Variants in ZFHX3 observed in about 807,000 individuals in gnomAD.
ZFHX3 encodes the protein zinc finger homeobox protein 3.
ZFHX3 carries 42 observed loss-of-function variants against 279.1 expected under a neutral mutation model. That is an observed-to-expected ratio of 0.15 (90% CI 0.12 to 0.19). ZFHX3 has a LOEUF of 0.19. Ranked by LOEUF, ZFHX3 falls within the 10% of genes least tolerant of loss-of-function variation. The pLI is 1.00. For synonymous variants in ZFHX3, 2,293 were observed against 1,957.8 expected, an observed-to-expected ratio of 1.17 and a Z score of -4.52; for missense variants, 4,981 against 4,754.0, an observed-to-expected ratio of 1.05 and a Z score of -1.40.
At chr16:72,911,616 C>G (rs1042294091) in intron 3 of ZFHX3, among the ~76,000 whole-genome samples, 4 of 152,090 alleles carry the variant, frequency 2.6e-5, no homozygotes, top group African/African-American at 9.7e-5. Context: ...TTCACAGAGG[C>G]TGGCCAATAT....
At chr16:72,909,028 G>C (rs1009205858) in intron 3 of ZFHX3, among the ~76,000 whole-genome samples, 2 of 152,190 alleles carry the variant, frequency 1.3e-5, no homozygotes, top group Non-Finnish European at 2.9e-5. Flanking sequence ...AGCGGATGCA[G>C]GTTTAGTTAC....
intron 3 of ZFHX3, among the ~76,000 whole-genome samples, chr16:73,416,840 C>G (rs545549552): frequency 3.5e-4 from 53 of 151,550 alleles, no homozygotes; most frequent in Admixed American, 1.7e-3. Flanking sequence ...CGCCACTGCA[C>G]TCCAGCCTGG....
At chr16:73,449,380 A>C (rs757943411) in intron 3 of ZFHX3, among the ~76,000 whole-genome samples, 8 of 152,216 alleles carry the variant, frequency 5.3e-5, no homozygotes, top group Non-Finnish European at 1.2e-4. Context: ...CTTAAAAACA[A>C]GCTGGGCATA....
chr16:73,839,647 T>C (rs1961247692), intron 1 of ZFHX3, among the ~76,000 whole-genome samples: 2 of 152,184 alleles, frequency 1.3e-5, no homozygotes, highest in African/African-American at 4.8e-5. Context: ...TCATGATAAA[T>C]TTACAGAATT....
At chr16:72,961,202 C>T (rs557683301) in intron 1 of ZFHX3, among the ~76,000 whole-genome samples, 6 of 152,218 alleles carry the variant, frequency 3.9e-5, no homozygotes, top group Admixed American at 2.0e-4. Context: ...AGCAGCAAGC[C>T]GAGACGGCAG....
At position 73,665,370 on chromosome 16, in the gene ZFHX3, T is replaced by C. The variant is rs531532541; in HGVS notation, c.-1547+14810A>G. Among the ~76,000 whole-genome samples the C allele has an allele frequency of 5.5e-3, 835 of 151,728 alleles. 10 individuals are homozygous for C. Among genetic ancestry groups the C allele is most frequent in the African/African-American group, 0.019 (781 of 41,074 alleles). ...CTGGGATTACAGGCTCCAGCCACCA[T>C]GCCCAGCTAATTTTTGTATTTTTAG... is the stretch of plus-strand genomic sequence containing the variant. On this transcript the variant is annotated intron_variant, in intron 2 of 17. Transcript: ENST00000641206.
chr16:72,964,107 G>C, intron 1 of ZFHX3, among the ~76,000 whole-genome samples: 1 of 152,224 alleles, frequency 6.6e-6, no homozygotes, highest in South Asian at 2.1e-4. Context: ...GGAGGGAGAA[G>C]CAGTGAATAC....
chr16:72,896,246 T>C (rs1024791705), intron 3 of ZFHX3, among the ~76,000 whole-genome samples: 1 of 152,184 alleles, frequency 6.6e-6, no homozygotes, highest in African/African-American at 2.4e-5. Flanking sequence ...AGAGACCTTT[T>C]CTTGCACCTC....
intron 2 of ZFHX3, among the ~76,000 whole-genome samples, chr16:72,952,739 C>T (rs1034172802): frequency 4.6e-5 from 7 of 152,324 alleles, no homozygotes; most frequent in East Asian, 1.9e-4. Flanking sequence ...CTGCATAAAC[C>T]GGGTACAAGC....
intron 1 of ZFHX3, chr16:73,794,349 T>A (rs1959927939): frequency 6.6e-6 from 1 of 152,260 alleles, no homozygotes; most frequent in African/African-American, 2.4e-5. Flanking sequence ...GGTGAGAAAT[T>A]GGCAGGGACT....
intron 6 of ZFHX3, among the ~76,000 whole-genome samples, chr16:73,131,474 C>A (rs540522614): frequency 1.7e-4 from 26 of 152,166 alleles, no homozygotes; most frequent in Non-Finnish European, 2.9e-5. Context: ...TTTGAGGGCA[C>A]GTCTGATTCT....
chr16:73,799,264 T>C (rs115409402), intron 1 of ZFHX3, among the ~76,000 whole-genome samples: 487 of 152,324 alleles, frequency 3.2e-3, no homozygotes, highest in African/African-American at 0.011. Flanking sequence ...TGACTAAATA[T>C]GTAATATCTA....
intron 1 of ZFHX3, among the ~76,000 whole-genome samples, chr16:73,693,048 GCTATGA>G (rs2053164024): frequency 6.6e-6 from 1 of 152,294 alleles, no homozygotes; most frequent in East Asian, 1.9e-4. Flanking sequence ...CTTGGCAGCA[GCTATGA>G]CTCTCTAGGG....
intron 1 of ZFHX3, among the ~76,000 whole-genome samples, chr16:73,728,754 G>A (rs2053543397): frequency 6.6e-6 from 1 of 151,598 alleles, no homozygotes; most frequent in Admixed American, 6.6e-5. Context: ...GAAAGTTGTA[G>A]TGGTGACACT....
chr16:73,050,562 C>A (rs1454657140), upstream of ZFHX3, among the ~76,000 whole-genome samples: 1 of 152,218 alleles, frequency 6.6e-6, no homozygotes, highest in Non-Finnish European at 1.5e-5. Flanking sequence ...TTCATAAAAA[C>A]AATACCTCTT....
chr16:73,099,234 T>G (rs1966201878), intron 7 of ZFHX3: 1 of 152,196 alleles, frequency 6.6e-6, no homozygotes. Flanking sequence ...AGCTATTGTA[T>G]CCTCTTATCT....
At position 73,283,227 on chromosome 16, in the gene ZFHX3, G is replaced by A. The variant is rs1053022134; in HGVS notation, c.-1193-26091C>T. Among the ~76,000 whole-genome samples the A allele has an allele frequency of 3.3e-5, 5 of 152,152 alleles. No homozygotes were observed. The South Asian group carries it at 6.2e-4, about 19-fold the overall frequency. ...TTTCCGGCAACTGTTTACATTTACC[G>A]ATGTTATTCTCATCCTCGTTTTGGT... On this transcript the variant is annotated intron_variant, in intron 4 of 17. Transcript: ENST00000641206.
chr16:73,563,776 A>AT (rs1367348404), intron 2 of ZFHX3, among the ~76,000 whole-genome samples: 2 of 152,176 alleles, frequency 1.3e-5, no homozygotes, highest in Non-Finnish European at 2.9e-5. Context: ...TTCTTAGAAC[A>AT]TTTTGTTTTG....
intron 2 of ZFHX3, among the ~76,000 whole-genome samples, chr16:73,497,501 T>C (rs942755539): frequency 1.1e-4 from 17 of 152,106 alleles, no homozygotes; most frequent in Non-Finnish European, 1.9e-4. Context: ...ACACCCAATC[T>C]CTACAAAAAA....
Sources: gnomAD v4.1 joint callset for allele counts (sites outside exome capture counted in the v4.1 genomes callset) on GRCh38, gnomAD v4.1.1 for gene constraint, MANE v1.5 for transcripts, NCBI Gene and HGNC (gene_info 2026-07-23, HGNC 2026-07-21) for gene names.